Variants in RAB33A observed in about 807,000 individuals in gnomAD.
RAB33A encodes RAB33A, member RAS oncogene family.
A neutral mutation model predicts 12.0 loss-of-function variants in RAB33A; 6 were observed. The observed-to-expected ratio is 0.50, with a 90% CI of 0.27 to 0.99. The LOEUF is 0.99. RAB33A is among the 50% of genes least tolerant of loss of function. The pLI, the probability that RAB33A is intolerant of heterozygous loss-of-function variation, is 0.11. For missense variants in RAB33A, 109 were observed against 192.0 expected (o/e 0.57, Z 2.55); for synonymous variants, 70 against 82.4 (o/e 0.85, Z 0.81).
At chrX:130,170,825 G>GA (rs776388677), upstream of RAB33A, among the ~76,000 whole-genome samples, 11 of 112,820 alleles carry the variant, frequency 9.8e-5, no homozygotes, top group East Asian at 2.5e-3. Context: ...GAGGGCTTGG[G>GA]AATGGAAGGC....
the RAB33A span, among the ~76,000 whole-genome samples, chrX:130,141,543 C>A: frequency 8.9e-6 from 1 of 112,104 alleles, no homozygotes; most frequent in Non-Finnish European, 1.9e-5. Context: ...CACATAGAGG[C>A]TGTTCGTTCC....
chrX:130,137,095 A>G, the RAB33A span: 2 of 1,209,509 alleles, frequency 1.7e-6, no homozygotes, highest in African/African-American at 3.5e-5. Context: ...GACTTTTTCC[A>G]TGGTCCAGTT....
chrX:130,137,636 A>G, the RAB33A span: 27 of 1,116,705 alleles, frequency 2.4e-5, no homozygotes, highest in East Asian at 3.3e-5. Context: ...GGCATTTTAC[A>G]GGAAGCAGCA....
the RAB33A span, among the ~76,000 whole-genome samples, chrX:130,125,747 A>C: frequency 9.0e-6 from 1 of 111,049 alleles, no homozygotes; most frequent in Admixed American, 9.6e-5. Context: ...GTGGAGTCCC[A>C]CCCCCAGCCC....
intron 1 of RAB33A, among the ~76,000 whole-genome samples, chrX:130,179,488 G>A (rs1465762891): frequency 9.2e-6 from 1 of 109,113 alleles, no homozygotes; most frequent in Admixed American, 9.9e-5. Flanking sequence ...GGGGGTGGGG[G>A]GAGTGGGGAT....
At chrX:130,155,905 A>G in the RAB33A span, among the ~76,000 whole-genome samples, 1 of 112,406 alleles carries the variant, frequency 8.9e-6, no homozygotes, top group East Asian at 2.8e-4. Context: ...ATTAAACACC[A>G]TATTTCTCAC....
rs979414733 is a variant in RAB33A at position 130,182,896 on chromosome X, A to G, written c.259-1389A>G. ...CTGCATAATATCCCACTGTACGGAT[A>G]TATTTTCATTTTTGTTTATTCTTTT... On this transcript the variant is annotated intron_variant, in intron 1 of 1. Coordinates refer to ENST00000257017, the MANE Select transcript of RAB33A (RefSeq NM_004794.3). Among the ~76,000 whole-genome samples the G allele has an allele frequency of 1.3e-4, 15 of 111,552 alleles. No homozygotes were observed. In the East Asian group the frequency reaches 2.5e-3, roughly 19 times the overall value.
the RAB33A span, chrX:130,165,708 CCGACGGGTCAAA>C: frequency 1.9e-5 from 20 of 1,044,341 alleles, no homozygotes; most frequent in Non-Finnish European, 1.7e-5. Context: ...TCACGCACGA[CCGACGGGTCAAA>C]CACCGTGAGC....
At chrX:130,120,919 G>A in the RAB33A span, among the ~76,000 whole-genome samples, 1 of 113,282 alleles carries the variant, frequency 8.8e-6, no homozygotes, top group Non-Finnish European at 1.9e-5. Context: ...TGTCGTCCAA[G>A]GAGGAGCAGC....
chrX:130,159,855 T>G, the RAB33A span, among the ~76,000 whole-genome samples: 2 of 107,952 alleles, frequency 1.9e-5, no homozygotes, highest in Non-Finnish European at 3.8e-5. Flanking sequence ...AGGGTCTCAC[T>G]CTGTCCCCAA....
chrX:130,172,922 A>T (rs772826946), intron 1 of RAB33A, among the ~76,000 whole-genome samples: 18 of 112,251 alleles, frequency 1.6e-4, no homozygotes, highest in African/African-American at 4.8e-4. Flanking sequence ...AAAGAAATTG[A>T]GGCAGGGTCC....
chrX:130,121,255 T>C, the RAB33A span, among the ~76,000 whole-genome samples: 1 of 102,491 alleles, frequency 9.8e-6, no homozygotes, highest in Non-Finnish European at 2.0e-5. Flanking sequence ...TTCTTTTCTT[T>C]TTTTTTTTTT....
chrX:130,132,654 T>C, the RAB33A span, among the ~76,000 whole-genome samples: 9 of 112,785 alleles, frequency 8.0e-5, no homozygotes, highest in Non-Finnish European at 1.7e-4. Context: ...CCCCCGGCCT[T>C]GGCCTCCCAA....
At chrX:130,162,646 G>C in the RAB33A span, among the ~76,000 whole-genome samples, 2 of 112,062 alleles carry the variant, frequency 1.8e-5, no homozygotes, top group Admixed American at 9.5e-5. Context: ...AGTCACATTT[G>C]GCAGTGTCCA....
At chrX:130,146,451 A>ATG in the RAB33A span, among the ~76,000 whole-genome samples, 3,413 of 89,367 alleles carry the variant, frequency 0.038, 60 homozygotes, top group Admixed American at 0.077. Context: ...CTCTCAAAAT[A>ATG]TGTGTGTGTG....
intron 1 of RAB33A, 136 bp downstream of exon 1, chrX:130,172,456 T>C: frequency 1.2e-6 from 1 of 830,405 alleles, no homozygotes. Flanking sequence ...GACCCTCGGC[T>C]CCTCCTCACC....
At chrX:130,164,109 A>G in the RAB33A span, among the ~76,000 whole-genome samples, 2 of 106,255 alleles carry the variant, frequency 1.9e-5, no homozygotes, top group South Asian at 8.6e-4. Context: ...CGGAGATTGC[A>G]GTGAGCCGAG....
At chrX:130,178,648 ATTAAT>A (rs2031688579) in intron 1 of RAB33A, among the ~76,000 whole-genome samples, 1 of 109,003 alleles carries the variant, frequency 9.2e-6, no homozygotes. Flanking sequence ...AAATTAATTA[ATTAAT>A]TTATTTATTT....
chrX:130,176,022 T>A (rs2031661267), intron 1 of RAB33A, among the ~76,000 whole-genome samples: 1 of 110,816 alleles, frequency 9.0e-6, no homozygotes, highest in African/African-American at 3.3e-5. Flanking sequence ...TGGCACAAAA[T>A]CCTCTCTCCA....
Sources: gnomAD v4.1 joint callset for allele counts (sites outside exome capture counted in the v4.1 genomes callset) on GRCh38, gnomAD v4.1.1 for gene constraint, MANE v1.5 for transcripts, NCBI Gene and HGNC (gene_info 2026-07-23, HGNC 2026-07-21) for gene names.